The following IKZF2 variants were observed in gnomAD, a reference collection of about 807,000 sequenced individuals.
IKZF2 encodes the protein IKAROS family zinc finger 2, also known as zinc finger protein Helios.
A neutral mutation model predicts 49.2 loss-of-function variants in IKZF2; 15 were observed. The observed-to-expected ratio is 0.30, with a 90% CI of 0.20 to 0.47. The LOEUF (loss-of-function observed/expected upper bound fraction) is 0.47, where lower values mean the gene tolerates loss of function less well. Among genes scored for constraint, IKZF2 ranks in the 20% least tolerant of loss-of-function variants. IKZF2 has a pLI of 1.00. For missense variants in IKZF2, 567 were observed against 664.6 expected, an observed-to-expected ratio of 0.85 and a Z score of 1.61; for synonymous variants, 227 against 221.4, an observed-to-expected ratio of 1.03 and a Z score of -0.23.
intron 4 of IKZF2, 119 bp from the exon 5 acceptor site, chr2:213,057,218 G>A: frequency 1.1e-6 from 1 of 891,906 alleles, no homozygotes; most frequent in East Asian, 2.6e-5. Flanking sequence ...AAGTAGAATA[G>A]AGTTCATCAT....
intron 4 of IKZF2, among the ~76,000 whole-genome samples, chr2:213,116,452 G>C (rs911389724): frequency 6.6e-5 from 10 of 152,114 alleles, no homozygotes; most frequent in African/African-American, 2.4e-4. Flanking sequence ...ATTTCTGCAG[G>C]CTGGGGGCAC....
chr2:213,115,044 G>A (rs75185157), intron 4 of IKZF2, among the ~76,000 whole-genome samples: 4,045 of 152,224 alleles, frequency 0.027, 94 homozygotes, highest in African/African-American at 0.064. Flanking sequence ...CAAAGAAGGC[G>A]GAATCACAGT....
intron 4 of IKZF2, among the ~76,000 whole-genome samples, chr2:213,087,109 G>A (rs959832365): frequency 3.3e-5 from 5 of 152,040 alleles, no homozygotes; most frequent in Non-Finnish European, 7.4e-5. Context: ...AAAAGGTAGG[G>A]GAAGTCAAAT....
chr2:213,089,342 C>T (rs1408020405), intron 4 of IKZF2, among the ~76,000 whole-genome samples: 1 of 152,162 alleles, frequency 6.6e-6, no homozygotes, highest in Non-Finnish European at 1.5e-5. Flanking sequence ...TTCACGCAGA[C>T]CTTCTCACTT....
In IKZF2 at chr2:213,013,819, A is replaced by G. The variant is rs781713261; in HGVS notation, c.828T>C (p.Arg276=). The change falls in exon 8 of 9, where the codon CGT becomes CGC. Residue 276 remains arginine (R), a synonymous_variant. Transcript: ENST00000434687. ...IEKLTGNMGK[R]KSSTPQKFVG... The stretch of plus-strand genomic sequence containing the variant: ...CAAACTTTTGTGGAGTGGAGCTTTT[A>G]CGTTTTCCCATATTCCCCGTGAGCT... 3.1e-6 allele frequency: 5 copies of G among 1,611,364 alleles called. No homozygotes were observed. In the East Asian group the frequency reaches 8.9e-5, roughly 29 times the overall value.
chr2:213,145,852 C>G (rs1481893358), intron 4 of IKZF2, among the ~76,000 whole-genome samples: 5 of 152,208 alleles, frequency 3.3e-5, no homozygotes, highest in African/African-American at 1.2e-4. Flanking sequence ...TTAAAAAACT[C>G]TCTACCAAAC....
At chr2:213,115,685 A>G (rs1280512592) in intron 4 of IKZF2, among the ~76,000 whole-genome samples, 1 of 152,250 alleles carries the variant, frequency 6.6e-6, no homozygotes, top group African/African-American at 2.4e-5. Flanking sequence ...AACCATGTGA[A>G]TCTCAACAAG....
At chr2:213,107,714 AAAAC>A (rs1384250506) in intron 4 of IKZF2, among the ~76,000 whole-genome samples, 1 of 152,216 alleles carries the variant, frequency 6.6e-6, no homozygotes, top group Non-Finnish European at 1.5e-5. Flanking sequence ...TGCAGGAGGA[AAAAC>A]AAACAACACA....
intron 4 of IKZF2, among the ~76,000 whole-genome samples, chr2:213,109,805 C>G (rs981585130): frequency 3.3e-5 from 5 of 151,914 alleles, no homozygotes; most frequent in African/African-American, 1.2e-4. Flanking sequence ...ATTATCATTT[C>G]TAAAGTTGCA....
intron 4 of IKZF2, among the ~76,000 whole-genome samples, chr2:213,117,628 T>C (rs762396657): frequency 1.3e-5 from 2 of 152,240 alleles, no homozygotes; most frequent in African/African-American, 2.4e-5. Flanking sequence ...CCTGAGTCCC[T>C]ACATCCATCA....
chr2:213,122,528 T>C (rs1300400911), intron 4 of IKZF2, among the ~76,000 whole-genome samples: 2 of 152,226 alleles, frequency 1.3e-5, no homozygotes, highest in Non-Finnish European at 2.9e-5. Context: ...ATGACATAAC[T>C]ATTTTAAAAA....
intron 6 of IKZF2, among the ~76,000 whole-genome samples, chr2:213,045,635 T>C (rs1372094273): frequency 2.6e-5 from 4 of 152,172 alleles, no homozygotes; most frequent in African/African-American, 7.2e-5. Context: ...ATATATGCTA[T>C]AGAATAGGAG....
chr2:213,032,956 C>T (rs554367569), intron 6 of IKZF2, among the ~76,000 whole-genome samples: 5 of 152,324 alleles, frequency 3.3e-5, no homozygotes, highest in African/African-American at 1.2e-4. Flanking sequence ...CTATTTGATA[C>T]GATTTTACCC....
chr2:213,114,369 A>T (rs751927372), intron 4 of IKZF2, among the ~76,000 whole-genome samples: 1 of 152,182 alleles, frequency 6.6e-6, no homozygotes, highest in East Asian at 1.9e-4. Context: ...TCAAATATTT[A>T]AAAAGACCAA....
intron 7 of IKZF2, among the ~76,000 whole-genome samples, chr2:213,015,923 A>C (rs917724558): frequency 6.6e-6 from 1 of 152,036 alleles, no homozygotes; most frequent in Non-Finnish European, 1.5e-5. Flanking sequence ...CTGAATTTTC[A>C]TATTTGAACG....
At chr2:213,030,782 A>C (rs1698327312) in intron 6 of IKZF2, among the ~76,000 whole-genome samples, 1 of 149,808 alleles carries the variant, frequency 6.7e-6, no homozygotes, top group African/African-American at 2.5e-5. Flanking sequence ...TAAAAGAGGC[A>C]AAAAAAAAGC....
intron 4 of IKZF2, among the ~76,000 whole-genome samples, chr2:213,104,872 G>T (rs1428724808): frequency 6.6e-6 from 1 of 152,124 alleles, no homozygotes; most frequent in Non-Finnish European, 1.5e-5. Flanking sequence ...ACTCAGATAA[G>T]AATGTAAAAA....
intron 4 of IKZF2, among the ~76,000 whole-genome samples, chr2:213,104,397 T>C (rs957746038): frequency 5.9e-5 from 9 of 152,178 alleles, no homozygotes; most frequent in East Asian, 1.9e-4. Context: ...AACTCGCCTA[T>C]GTTCCCCAGG....
rs2124960254 is a variant in IKZF2, at chr2:213,003,476, T to C, written c.*3884A>G. The C allele has an allele frequency of 6.6e-6, 1 of 151,828 alleles. No individual in the cohort carries two copies. Among genetic ancestry groups the C allele is most frequent in the South Asian group, 2.1e-4 (1 of 4,826 alleles). The allele number at this position is 151,828 out of a possible 1,614,324, so 9.4% of individuals were successfully genotyped here. A position where few individuals can be genotyped will look rare whatever the true frequency, so the allele number is the denominator to read the frequency against. On this transcript the variant is annotated 3_prime_UTR_variant, in exon 9 of 9. Coordinates refer to ENST00000434687, the MANE Select transcript of IKZF2 (RefSeq NM_001387220.1). The stretch of plus-strand genomic sequence containing the variant: ...AACACAAATGTAATTTATCCATTTT[T>C]GGACGTGAACAATCCAAAGTTAAAA...
Sources: gnomAD v4.1 joint callset for allele counts (sites outside exome capture counted in the v4.1 genomes callset) on GRCh38, gnomAD v4.1.1 for gene constraint, MANE v1.5 for transcripts, NCBI Gene and HGNC (gene_info 2026-07-23, HGNC 2026-07-21) for gene names.